DEPDC5: variants seen among roughly 807,000 people sequenced by gnomAD.
DEPDC5 encodes DEP domain containing 5, GATOR1 subcomplex subunit.
In DEPDC5, 73 loss-of-function variants were observed where a neutral mutation model predicts 217.3. The observed-to-expected ratio is 0.34, with a 90% CI of 0.28 to 0.41. The LOEUF (loss-of-function observed/expected upper bound fraction) is 0.41. DEPDC5 is among the 10% of genes least tolerant of loss of function. DEPDC5 has a pLI of 1.00. For synonymous variants in DEPDC5, 733 were observed against 756.7 expected, an observed-to-expected ratio of 0.97 and a Z score of 0.51; for missense variants, 1,675 against 2,070.1, an observed-to-expected ratio of 0.81 and a Z score of 3.70.
intron 41 of DEPDC5, among the ~76,000 whole-genome samples, chr22:31,905,023 A>C (rs900378756): frequency 1.3e-5 from 2 of 152,080 alleles, no homozygotes; most frequent in Admixed American, 1.3e-4. Flanking sequence ...CAGGAGCCAC[A>C]TCTGTTACCA....
intron 18 of DEPDC5, among the ~76,000 whole-genome samples, chr22:31,808,878 T>C (rs2087895614): frequency 1.3e-5 from 2 of 152,178 alleles, no homozygotes; most frequent in Admixed American, 6.5e-5. Context: ...ATGATCATTT[T>C]AAAGAAGCAA....
At chr22:31,861,907 C>G (rs1022035145) in intron 33 of DEPDC5, among the ~76,000 whole-genome samples, 1 of 152,206 alleles carries the variant, frequency 6.6e-6, no homozygotes, top group African/African-American at 2.4e-5. Flanking sequence ...TGTAGCTCAC[C>G]TAGCTTCTGG....
intron 10 of DEPDC5, among the ~76,000 whole-genome samples, chr22:31,788,913 G>T (rs1440539125): frequency 1.3e-5 from 2 of 151,840 alleles, no homozygotes; most frequent in Non-Finnish European, 2.9e-5. Context: ...TATTTTTAGA[G>T]ACAGTCTCGC....
intron 27 of DEPDC5, among the ~76,000 whole-genome samples, chr22:31,840,090 A>G (rs936251471): frequency 1.3e-5 from 2 of 152,234 alleles, no homozygotes; most frequent in Non-Finnish European, 2.9e-5. Context: ...AGGGAAAATA[A>G]CATTAGTCAA....
intron 32 of DEPDC5, among the ~76,000 whole-genome samples, chr22:31,860,924 C>T (rs2092485231): frequency 6.6e-6 from 1 of 152,166 alleles, no homozygotes; most frequent in Admixed American, 6.5e-5. Context: ...AAGCCCTTAC[C>T]CTGCAGCCCC....
intron 10 of DEPDC5, among the ~76,000 whole-genome samples, chr22:31,786,255 C>CATAA (rs909830980): frequency 2.7e-4 from 41 of 149,964 alleles, no homozygotes; most frequent in African/African-American, 8.1e-4. Context: ...GACTCCATCT[C>CATAA]ATAAATAAAT....
intron 11 of DEPDC5, 24 bp downstream of exon 11, chr22:31,792,126 A>G (rs370721164): frequency 1.6e-5 from 25 of 1,570,362 alleles, no homozygotes; most frequent in Non-Finnish European, 1.9e-5. Flanking sequence ...TCTCTCCTAC[A>G]GTTATGTTTT....
intron 33 of DEPDC5, among the ~76,000 whole-genome samples, chr22:31,867,138 C>G (rs988005507): frequency 1.3e-5 from 2 of 152,152 alleles, no homozygotes; most frequent in African/African-American, 4.8e-5. Context: ...TGCCAGGAAT[C>G]TACGTGCGAC....
chr22:31,788,250 A>T (rs1458019359), intron 10 of DEPDC5, among the ~76,000 whole-genome samples: 1 of 142,612 alleles, frequency 7.0e-6, no homozygotes. Context: ...CTTCACACCC[A>T]CTAGGATGAC....
intron 31 of DEPDC5, among the ~76,000 whole-genome samples, chr22:31,850,683 G>T (rs1390202120): frequency 6.6e-6 from 1 of 152,144 alleles, no homozygotes. Context: ...AGGCCAAGTT[G>T]GGCAGATGGC....
At chr22:31,811,244 G>GT (rs879745576) in intron 20 of DEPDC5, among the ~76,000 whole-genome samples, 2 of 151,758 alleles carry the variant, frequency 1.3e-5, no homozygotes, top group Non-Finnish European at 2.9e-5. Context: ...TAATATTTGT[G>GT]TTTTTTGTAG....
intron 38 of DEPDC5, 147 bp from the exon 39 acceptor site, chr22:31,893,435 C>T: frequency 1.4e-6 from 1 of 702,378 alleles, no homozygotes; most frequent in East Asian, 3.4e-5. Flanking sequence ...TTTCCAATAT[C>T]TAGATGATTT....
intron 21 of DEPDC5, chr22:31,815,758 TGGACTCGAG>T (rs1277072258): frequency 4.3e-6 from 5 of 1,168,338 alleles, no homozygotes; most frequent in Non-Finnish European, 5.5e-6. Flanking sequence ...CTTGAACTCC[TGGACTCGAG>T]GGATCCACCC....
chr22:31,759,354 C>CGTTTTTTTT (rs1236848136), intron 3 of DEPDC5, among the ~76,000 whole-genome samples: 5 of 149,070 alleles, frequency 3.4e-5, no homozygotes, highest in African/African-American at 9.9e-5. Flanking sequence ...CATACCGAGC[C>CGTTTTTTTT]GTTTTTTTTG....
chr22:31,854,278 A>G (rs867392447), intron 31 of DEPDC5, among the ~76,000 whole-genome samples: 2 of 152,198 alleles, frequency 1.3e-5, no homozygotes, highest in Non-Finnish European at 2.9e-5. Flanking sequence ...GCATCAGCAT[A>G]TAGCAGGTGA....
intron 41 of DEPDC5, among the ~76,000 whole-genome samples, chr22:31,903,010 A>G (rs940436224): frequency 1.1e-4 from 17 of 151,880 alleles, no homozygotes; most frequent in South Asian, 2.1e-4. Context: ...ATCCTGGTCT[A>G]TCTTCCCAGG....
At chr22:31,790,462 C>T (rs76667148) in intron 10 of DEPDC5, among the ~76,000 whole-genome samples, 3,817 of 152,264 alleles carry the variant, frequency 0.025, 61 homozygotes, top group African/African-American at 0.041. Flanking sequence ...TAGTCCCTGT[C>T]CCTGTCCAAA....
chr22:31,886,200 G>T (rs2093308371), intron 38 of DEPDC5, among the ~76,000 whole-genome samples: 1 of 151,986 alleles, frequency 6.6e-6, no homozygotes. Context: ...TTTTTTGTTG[G>T]TTTTGTAGAG....
intron 7 of DEPDC5, among the ~76,000 whole-genome samples, chr22:31,775,034 A>G (rs1012634669): frequency 2.0e-5 from 3 of 152,188 alleles, no homozygotes; most frequent in Non-Finnish European, 4.4e-5. Context: ...CCCACTTGGT[A>G]TAAGCCATGG....
Sources: gnomAD v4.1 joint callset for allele counts (sites outside exome capture counted in the v4.1 genomes callset) on GRCh38, gnomAD v4.1.1 for gene constraint, MANE v1.5 for transcripts, NCBI Gene and HGNC (gene_info 2026-07-23, HGNC 2026-07-21) for gene names.